Variants in WWOX observed in about 807,000 individuals in gnomAD.
WWOX encodes WW domain containing oxidoreductase.
WWOX carries 69 observed loss-of-function variants against 46.2 expected under a neutral mutation model. That is an observed-to-expected ratio of 1.49 (90% CI 1.23 to 1.82). WWOX has a LOEUF of 1.82. Among genes scored for constraint, WWOX ranks in the 40% most tolerant of loss-of-function variants. The pLI, the probability that WWOX is intolerant of heterozygous loss-of-function variation, is 0.00. For synonymous variants in WWOX, 359 were observed against 202.6 expected (o/e 1.77, Z -6.56); for missense variants, 919 against 542.6 (o/e 1.69, Z -6.89).
At chr16:78,878,132 C>T (rs1048827883) in intron 8 of WWOX, among the ~76,000 whole-genome samples, 2 of 152,314 alleles carry the variant, frequency 1.3e-5, no homozygotes, top group East Asian at 1.9e-4. Context: ...TACAACTGCC[C>T]TGCCTCTTGA....
At position 78,802,935 on chromosome 16, in the gene WWOX, A is replaced by C. The variant is rs1167487386; in HGVS notation, c.1056+370183A>C. ...CATCTGAAAAAAAAAAAAAAAAAAA[A>C]AAAAAAACAACAAACAGAAAAATGA... On this transcript the variant is annotated intron_variant, in intron 8 of 8. Coordinates refer to ENST00000566780, the MANE Select transcript of WWOX (RefSeq NM_016373.4). Among the ~76,000 whole-genome samples the C allele has an allele frequency of 3.1e-4, 31 of 100,416 alleles. 8 individuals are homozygous for C. Among genetic ancestry groups the C allele is most frequent in the Non-Finnish European group, 4.0e-4 (20 of 50,468 alleles). The allele number at this position is 100,416 out of a possible 152,430, so 65.9% of individuals were successfully genotyped here.
chr16:79,199,081 A>G (rs1478459648), intron 8 of WWOX, among the ~76,000 whole-genome samples: 1 of 152,024 alleles, frequency 6.6e-6, no homozygotes, highest in Non-Finnish European at 1.5e-5. Context: ...TTTATTTTTC[A>G]AGATGGAGTC....
chr16:78,929,601 G>A (rs748993400), intron 8 of WWOX, among the ~76,000 whole-genome samples: 7 of 152,284 alleles, frequency 4.6e-5, no homozygotes, highest in South Asian at 2.1e-4. Context: ...TGGACAAGGA[G>A]GGCGGGATAA....
intron 8 of WWOX, among the ~76,000 whole-genome samples, chr16:78,726,952 C>G (rs536766967): frequency 6.6e-6 from 1 of 152,160 alleles, no homozygotes; most frequent in African/African-American, 2.4e-5. Flanking sequence ...CAGTGCTGAG[C>G]TTTTGTGTTT....
chr16:78,560,374 G>A (rs1188017935), intron 8 of WWOX, among the ~76,000 whole-genome samples: 1 of 152,154 alleles, frequency 6.6e-6, no homozygotes, highest in African/African-American at 2.4e-5. Flanking sequence ...CAGGTGCGGT[G>A]GCTCACGCCT....
intron 8 of WWOX, among the ~76,000 whole-genome samples, chr16:79,031,730 G>T (rs1174011978): frequency 5.5e-5 from 8 of 144,678 alleles, no homozygotes; most frequent in Non-Finnish European, 9.0e-5. Context: ...TTGCTTAATA[G>T]GCTCTCTCTC....
intron 8 of WWOX, among the ~76,000 whole-genome samples, chr16:78,454,527 C>G (rs2083770928): frequency 6.6e-6 from 1 of 151,952 alleles, no homozygotes; most frequent in African/African-American, 2.4e-5. Flanking sequence ...GTTTTTGAGA[C>G]AGAATTTCAC....
chr16:78,541,473 C>CAA lies in WWOX; in HGVS notation c.1056+108753_1056+108754dup, dbSNP rs59900108. Among the ~76,000 whole-genome samples, 204 of 45,194 alleles carry CAA rather than the reference C, an allele frequency of 4.5e-3. 6 individuals are homozygous for CAA. Among genetic ancestry groups the CAA allele is most frequent in the African/African-American group, 0.014 (125 of 9,206 alleles). 29.6% of individuals were successfully genotyped at this position (45,194 alleles called of 152,430 possible). A position where few individuals can be genotyped will look rare whatever the true frequency, so the allele number is the denominator to read the frequency against. ...TGGGCGACAGAGCGAGACTCCGTCT[C>CAA]AAAAAAAAAAAAAAAAAAAAAAAAA... On this transcript the variant is annotated intron_variant, in intron 8 of 8. Coordinates refer to ENST00000566780, the MANE Select transcript of WWOX (RefSeq NM_016373.4).
chr16:79,035,560 A>G (rs1286277074), intron 8 of WWOX, among the ~76,000 whole-genome samples: 1 of 152,060 alleles, frequency 6.6e-6, no homozygotes, highest in South Asian at 2.1e-4. Flanking sequence ...ATTTTTTGAG[A>G]TGGAGTCTCA....
intron 5 of WWOX, among the ~76,000 whole-genome samples, chr16:78,367,137 G>A (rs984474729): frequency 1.3e-5 from 2 of 151,856 alleles, no homozygotes; most frequent in Non-Finnish European, 1.5e-5. Flanking sequence ...CTGCCACCAC[G>A]CCCGGCTAAT....
chr16:78,936,973 G>T (rs2045751105), intron 8 of WWOX, among the ~76,000 whole-genome samples: 1 of 152,110 alleles, frequency 6.6e-6, no homozygotes, highest in Non-Finnish European at 1.5e-5. Flanking sequence ...TAATCCATTA[G>T]TAATCCATTT....
chr16:79,210,574 T>C (rs919672616), intron 8 of WWOX, among the ~76,000 whole-genome samples: 14 of 152,092 alleles, frequency 9.2e-5, no homozygotes, highest in African/African-American at 3.4e-4. Context: ...CCCCTCTCCC[T>C]CTCATCAGCT....
intron 5 of WWOX, among the ~76,000 whole-genome samples, chr16:78,286,849 C>T (rs2079776188): frequency 6.6e-6 from 1 of 152,312 alleles, no homozygotes; most frequent in East Asian, 1.9e-4. Context: ...ATATTAGTTT[C>T]ATAACCACTC....
chr16:78,312,824 C>T (rs1048482682), intron 5 of WWOX, among the ~76,000 whole-genome samples: 2 of 152,206 alleles, frequency 1.3e-5, no homozygotes, highest in Non-Finnish European at 2.9e-5. Context: ...ACCAACCAGA[C>T]AGGCCTAGGC....
chr16:78,441,103 C>G (rs565800483), intron 8 of WWOX, among the ~76,000 whole-genome samples: 1 of 152,008 alleles, frequency 6.6e-6, no homozygotes, highest in Non-Finnish European at 1.5e-5. Flanking sequence ...CCACCACGCA[C>G]GGCTGATGTT....
intron 6 of WWOX, among the ~76,000 whole-genome samples, chr16:78,389,777 G>T (rs1432430025): frequency 2.0e-5 from 3 of 152,088 alleles, no homozygotes; most frequent in Non-Finnish European, 4.4e-5. Context: ...TTGAGACAGG[G>T]TCTCGCTGTG....
intron 8 of WWOX, among the ~76,000 whole-genome samples, chr16:78,517,924 C>A (rs1050606794): frequency 1.5e-5 from 2 of 130,276 alleles, no homozygotes; most frequent in East Asian, 4.7e-4. Context: ...ACACCTCATC[C>A]TTTAGTCTTT....
intron 8 of WWOX, among the ~76,000 whole-genome samples, chr16:79,062,792 G>T (rs1352897291): frequency 6.6e-6 from 1 of 152,074 alleles, no homozygotes; most frequent in Non-Finnish European, 1.5e-5. Flanking sequence ...GTGCATTCTG[G>T]GTTCTAACAG....
At chr16:79,005,288 C>G (rs1229191744) in intron 8 of WWOX, among the ~76,000 whole-genome samples, 9 of 152,178 alleles carry the variant, frequency 5.9e-5, no homozygotes, top group Non-Finnish European at 4.4e-5. Context: ...TCCTTGATGA[C>G]CCCTGGGAGG....
Sources: gnomAD v4.1 joint callset for allele counts (sites outside exome capture counted in the v4.1 genomes callset) on GRCh38, gnomAD v4.1.1 for gene constraint, MANE v1.5 for transcripts, NCBI Gene and HGNC (gene_info 2026-07-23, HGNC 2026-07-21) for gene names.